The following UNC13C variants were observed in gnomAD, a reference collection of about 807,000 sequenced individuals.
UNC13C encodes unc-13 homolog C, also known as protein unc-13 homolog C.
In UNC13C, 174 loss-of-function variants were observed where a neutral mutation model predicts 245.4. The observed-to-expected ratio is 0.71, with a 90% confidence interval of 0.63 to 0.80. The LOEUF (loss-of-function observed/expected upper bound fraction) is 0.80. UNC13C is among the 30% of genes least tolerant of loss of function. The pLI is 0.00. For missense variants in UNC13C, 2,829 were observed against 2,602.9 expected, an observed-to-expected ratio of 1.09 and a Z score of -1.89; for synonymous variants, 992 against 895.1, an observed-to-expected ratio of 1.11 and a Z score of -1.93.
At chr15:54,368,999 G>A (rs1359159949) in intron 17 of UNC13C, among the ~76,000 whole-genome samples, 1 of 152,052 alleles carries the variant, frequency 6.6e-6, no homozygotes, top group Non-Finnish European at 1.5e-5. Flanking sequence ...GGTAAAGGAA[G>A]AACCATTAGA....
At chr15:54,475,655 G>T (rs1333203763) in intron 19 of UNC13C, among the ~76,000 whole-genome samples, 2 of 149,830 alleles carry the variant, frequency 1.3e-5, no homozygotes, top group Non-Finnish European at 3.0e-5. Flanking sequence ...TTTTATGGCT[G>T]CATAGTATTC....
chr15:54,615,669 G>A (rs747885487), intron 30 of UNC13C, among the ~76,000 whole-genome samples: 3 of 152,152 alleles, frequency 2.0e-5, no homozygotes, highest in East Asian at 1.9e-4. Context: ...ATCTGAAACA[G>A]TTATCAGGCA....
At chr15:54,237,583 C>G (rs765389537) in intron 6 of UNC13C, 36 bp from the exon 7 acceptor site, 1 of 1,534,800 alleles carries the variant, frequency 6.5e-7, no homozygotes, top group African/African-American at 1.4e-5. Context: ...GTCAACCTCC[C>G]TATGTATTAA....
chr15:54,571,732 G>T (rs1596591991), intron 30 of UNC13C, among the ~76,000 whole-genome samples: 2 of 152,166 alleles, frequency 1.3e-5, no homozygotes, highest in African/African-American at 2.4e-5. Flanking sequence ...ACAGGCACAG[G>T]CTCGGTCCTA....
At chr15:54,159,902 C>A (rs1405827922) in intron 4 of UNC13C, among the ~76,000 whole-genome samples, 1 of 152,168 alleles carries the variant, frequency 6.6e-6, no homozygotes, top group Admixed American at 6.5e-5. Flanking sequence ...AAGAGTAATA[C>A]ATACCTTCCT....
the UNC13C span, chr15:53,947,874 C>A: frequency 1.1e-4 from 16 of 152,170 alleles, no homozygotes; most frequent in African/African-American, 3.1e-4. Context: ...TATCTAGAAT[C>A]AAAACTTATA....
intron 10 of UNC13C, 121 bp from the exon 11 acceptor site, chr15:54,293,774 T>C: frequency 1.4e-6 from 1 of 713,742 alleles, no homozygotes; most frequent in Admixed American, 4.3e-5. Flanking sequence ...TGAAATGGGT[T>C]ATCTCATTTA....
chr15:54,118,044 C>T (rs1007177002), intron 2 of UNC13C, among the ~76,000 whole-genome samples: 1 of 151,712 alleles, frequency 6.6e-6, no homozygotes, highest in Non-Finnish European at 1.5e-5. Context: ...GATTTGGTTA[C>T]TATAGTTTTA....
intron 19 of UNC13C, among the ~76,000 whole-genome samples, chr15:54,431,459 A>G (rs2040871694): frequency 6.6e-6 from 1 of 151,682 alleles, no homozygotes; most frequent in African/African-American, 2.4e-5. Context: ...TTGTCAGTAC[A>G]TATTAGTATA....
intron 2 of UNC13C, among the ~76,000 whole-genome samples, chr15:54,016,543 G>A (rs1028467450): frequency 3.9e-5 from 6 of 152,178 alleles, no homozygotes; most frequent in Non-Finnish European, 8.8e-5. Context: ...GGATAGAGTT[G>A]AGTGGTTACC....
chr15:54,494,039 C>G (rs1005628145), intron 19 of UNC13C, among the ~76,000 whole-genome samples: 5 of 152,062 alleles, frequency 3.3e-5, no homozygotes, highest in African/African-American at 1.2e-4. Flanking sequence ...TCCTTTTCAA[C>G]TATTTTAATG....
At chr15:54,498,991 G>A (rs1483753499) in intron 20 of UNC13C, among the ~76,000 whole-genome samples, 1 of 152,144 alleles carries the variant, frequency 6.6e-6, no homozygotes, top group African/African-American at 2.4e-5. Context: ...GTTCTTAAGA[G>A]AGTGTCATGT....
At chr15:53,916,586 G>A in the UNC13C span, among the ~76,000 whole-genome samples, 10 of 152,094 alleles carry the variant, frequency 6.6e-5, no homozygotes, top group African/African-American at 1.7e-4. Flanking sequence ...TTGCATCGTC[G>A]AGCACCTAGA....
At chr15:54,601,917 T>C (rs1899454601) in intron 30 of UNC13C, among the ~76,000 whole-genome samples, 1 of 152,126 alleles carries the variant, frequency 6.6e-6, no homozygotes, top group African/African-American at 2.4e-5. Context: ...CGTAGTGATT[T>C]CCAGTCTCTC....
chr15:54,453,182 C>A (rs1164056314), intron 19 of UNC13C, among the ~76,000 whole-genome samples: 3 of 152,192 alleles, frequency 2.0e-5, no homozygotes, highest in Non-Finnish European at 4.4e-5. Context: ...TGTCAAGAAA[C>A]ATTCCCTTGG....
At chr15:54,290,562 AT>A (rs1194679224) in intron 10 of UNC13C, among the ~76,000 whole-genome samples, 1 of 152,084 alleles carries the variant, frequency 6.6e-6, no homozygotes. Flanking sequence ...GGAAAGAAAG[AT>A]AATATTGTCT....
chr15:53,910,176 T>A, the UNC13C span, among the ~76,000 whole-genome samples: 1 of 145,360 alleles, frequency 6.9e-6, no homozygotes, highest in East Asian at 2.0e-4. Context: ...GACCCAGGTG[T>A]TGGCCTGAAC....
chr15:54,461,708 G>C (rs1285061745), intron 19 of UNC13C, among the ~76,000 whole-genome samples: 1 of 152,130 alleles, frequency 6.6e-6, no homozygotes, highest in African/African-American at 2.4e-5. Flanking sequence ...TAAATAGACT[G>C]GCTACTCTTA....
intron 19 of UNC13C, among the ~76,000 whole-genome samples, chr15:54,455,193 CTCTCTCTCTCT>C (rs1373382833): frequency 2.1e-5 from 1 of 47,314 alleles, no homozygotes; most frequent in African/African-American, 7.2e-5. Flanking sequence ...CTCTCTCTCT[CTCTCTCTCTCT>C]CTATATATAT....
Sources: allele counts gnomAD v4.1 joint callset (sites outside exome capture counted in the v4.1 genomes callset), GRCh38; gene constraint gnomAD v4.1.1; transcripts MANE v1.5; gene names NCBI Gene and HGNC (gene_info 2026-07-23, HGNC 2026-07-21).